Variants in ERC1 observed in about 807,000 individuals in gnomAD.
ERC1 encodes ELKS/RAB6-interacting/CAST family member 1, also known as RAB6 interacting protein 2.
ERC1 carries 56 observed loss-of-function variants against 132.0 expected under a neutral mutation model. The ratio of observed to expected loss-of-function variants is 0.42; its 90% CI spans 0.34 to 0.53. The LOEUF (loss-of-function observed/expected upper bound fraction) is 0.53, where lower values mean the gene tolerates loss of function less well. Ranked by LOEUF, ERC1 falls within the 20% of genes least tolerant of loss-of-function variation. The pLI is 0.03. For synonymous variants in ERC1, 478 were observed against 476.1 expected (o/e 1.00, Z -0.05); for missense variants, 1,202 against 1,349.9 (o/e 0.89, Z 1.72).
intron 17 of ERC1, among the ~76,000 whole-genome samples, chr12:1,410,968 T>G (rs1278114356): frequency 6.6e-6 from 1 of 152,042 alleles, no homozygotes; most frequent in Non-Finnish European, 1.5e-5. Flanking sequence ...TGTAGAAGAA[T>G]GAGCTCTCAC....
At chr12:1,233,836 A>G (rs1318135487) in intron 12 of ERC1, among the ~76,000 whole-genome samples, 2 of 152,208 alleles carry the variant, frequency 1.3e-5, no homozygotes, top group Non-Finnish European at 2.9e-5. Flanking sequence ...AATAAGCACA[A>G]TGTATGGGCG....
intron 15 of ERC1, among the ~76,000 whole-genome samples, chr12:1,353,776 G>GTTTACTGCTC: frequency 6.6e-6 from 1 of 152,258 alleles, no homozygotes; most frequent in Non-Finnish European, 1.5e-5. Flanking sequence ...GTTTACTGCT[G>GTTTACTGCTC]TTTACTGCTC....
At chr12:1,260,877 A>T (rs2077099950) in intron 13 of ERC1, among the ~76,000 whole-genome samples, 1 of 152,156 alleles carries the variant, frequency 6.6e-6, no homozygotes, top group South Asian at 2.1e-4. Context: ...TTGTAGTTTC[A>T]CTTGGCTTTT....
rs1967273701 is a variant in ERC1 at position 1,028,402 on chromosome 12, C to A, written c.499C>A (p.Leu167Ile). 5 of 1,614,122 alleles carry A rather than the reference C, an allele frequency of 3.1e-6. No homozygotes were observed. The East Asian group carries it at 1.1e-4, about 36-fold the overall frequency. The change falls in exon 2 of 19, where the codon CTC becomes ATC. Residue 167 changes from leucine (L) to isoleucine (I), a missense_variant. Physicochemically the swap from Leu to Ile is conservative, Grantham distance 5. Coordinates refer to ENST00000360905, the MANE Select transcript of ERC1 (RefSeq NM_178040.4). ...QLKEVLREND[L>I]LRKDVEVKES... ...GAAGGAAGTATTAAGAGAAAATGAT[C>A]TCTTGCGGAAGGATGTGGAAGTAAA...
intron 15 of ERC1, among the ~76,000 whole-genome samples, chr12:1,371,409 A>G (rs1228421028): frequency 6.6e-6 from 1 of 152,228 alleles, no homozygotes; most frequent in African/African-American, 2.4e-5. Flanking sequence ...TGGCTGTACC[A>G]TTTACTCCAG....
intron 1 of ERC1, among the ~76,000 whole-genome samples, chr12:1,009,709 A>G (rs918868645): frequency 6.6e-6 from 1 of 152,214 alleles, no homozygotes; most frequent in Non-Finnish European, 1.5e-5. Context: ...TAATTTAGTT[A>G]TACATGTTAA....
Position 1,495,220 on chromosome 12 carries a change from A to G in ERC1, c.*4990A>G, listed in dbSNP as rs2094348109. ...CTGCCCACTTGGTGCTATCTCTTCC[A>G]GTGACCACCCAGCACGGGTGAGCAC... is the stretch of plus-strand genomic sequence containing the variant. On this transcript the variant is annotated 3_prime_UTR_variant, in exon 19 of 19. Coordinates refer to ENST00000360905, the MANE Select transcript of ERC1 (RefSeq NM_178040.4). 1 of 230,662 alleles carries G rather than the reference A, an allele frequency of 4.3e-6. No individual in the cohort carries two copies. The allele number at this position is 230,662 out of a possible 1,614,324, so 14.3% of individuals were successfully genotyped here.
At chr12:1,138,079 A>G (rs1383512822) in intron 7 of ERC1, among the ~76,000 whole-genome samples, 3 of 127,758 alleles carry the variant, frequency 2.3e-5, no homozygotes, top group Non-Finnish European at 4.7e-5. Context: ...GTTTTATATT[A>G]TATATAATAT....
At chr12:1,117,309 C>T (rs1247243774) in intron 7 of ERC1, among the ~76,000 whole-genome samples, 1 of 152,084 alleles carries the variant, frequency 6.6e-6, no homozygotes, top group East Asian at 1.9e-4. Context: ...AAGAAGGAAC[C>T]TAAACTGTTT....
chr12:1,097,857 G>T (rs556872397), intron 3 of ERC1, among the ~76,000 whole-genome samples: 1 of 151,902 alleles, frequency 6.6e-6, no homozygotes, highest in South Asian at 2.1e-4. Flanking sequence ...TGGGATTGCA[G>T]GTGCCCCCCA....
intron 12 of ERC1, among the ~76,000 whole-genome samples, chr12:1,191,977 G>A (rs953121783): frequency 1.3e-5 from 2 of 152,162 alleles, no homozygotes; most frequent in African/African-American, 4.8e-5. Flanking sequence ...GAAAGTGATC[G>A]AGCATGGCAT....
chr12:994,575 T>G (rs1213398022), intron 1 of ERC1, among the ~76,000 whole-genome samples: 1 of 152,238 alleles, frequency 6.6e-6, no homozygotes, highest in Non-Finnish European at 1.5e-5. Context: ...TCAAATGAAT[T>G]AATTCATGTA....
intron 16 of ERC1, among the ~76,000 whole-genome samples, chr12:1,375,834 T>C (rs1301902956): frequency 6.7e-6 from 1 of 150,212 alleles, no homozygotes; most frequent in African/African-American, 2.5e-5. Flanking sequence ...ACCTCCTAGG[T>C]TGAAGCAATT....
chr12:1,424,857 G>C (rs1294072386), intron 17 of ERC1, among the ~76,000 whole-genome samples: 5 of 115,572 alleles, frequency 4.3e-5, no homozygotes, highest in Non-Finnish European at 5.3e-5. Context: ...TAGATAGATA[G>C]ATAGATCGAT....
intron 12 of ERC1, among the ~76,000 whole-genome samples, chr12:1,224,342 A>G (rs2074388928): frequency 6.6e-6 from 1 of 152,214 alleles, no homozygotes; most frequent in East Asian, 1.9e-4. Flanking sequence ...ACAATTTTCT[A>G]TACTTTTCTT....
intron 12 of ERC1, chr12:1,204,501 T>C (rs1334158324): frequency 6.3e-7 from 1 of 1,590,872 alleles, no homozygotes; most frequent in East Asian, 2.2e-5. Context: ...TTTCCTTCAG[T>C]CTCACCTCAA....
chr12:1,482,216 G>A (rs73601949), intron 18 of ERC1, among the ~76,000 whole-genome samples: 5,290 of 152,200 alleles, frequency 0.035, 343 homozygotes, highest in African/African-American at 0.12. Flanking sequence ...ATTGCAGTGA[G>A]CAGCCCAGTG....
chr12:1,420,349 C>G (rs1428489994), intron 17 of ERC1, among the ~76,000 whole-genome samples: 1 of 152,122 alleles, frequency 6.6e-6, no homozygotes, highest in East Asian at 1.9e-4. Context: ...TACTCTGAAC[C>G]AGGGACTGAC....
chr12:1,051,493 C>T lies in ERC1; in HGVS notation c.669+22921C>T, dbSNP rs1301519236. ...TCACTTGAGGCGAGGAGTTTGAGAC[C>T]AGCAAGGGCTACATAGCAAGGCCTC... is the stretch of plus-strand genomic sequence containing the variant. On this transcript the variant is annotated intron_variant, in intron 2 of 18. Coordinates refer to ENST00000360905, the MANE Select transcript of ERC1 (RefSeq NM_178040.4). Among the ~76,000 whole-genome samples the T allele has an allele frequency of 3.5e-5, 5 of 144,278 alleles. No homozygotes were observed. The Admixed American group carries it at 3.6e-4, about 11-fold the overall frequency. 94.7% of individuals were successfully genotyped at this position (144,278 alleles called of 152,430 possible). A position where few individuals can be genotyped will look rare whatever the true frequency, so the allele number is the denominator to read the frequency against.
Sources: gnomAD v4.1 joint callset for allele counts (sites outside exome capture counted in the v4.1 genomes callset) on GRCh38, gnomAD v4.1.1 for gene constraint, MANE v1.5 for transcripts, NCBI Gene and HGNC (gene_info 2026-07-23, HGNC 2026-07-21) for gene names.